Variants in KATNIP observed in about 807,000 individuals in gnomAD.
KATNIP encodes the protein katanin-interacting protein.
KATNIP carries 126 observed loss-of-function variants against 174.0 expected under a neutral mutation model. That is an observed-to-expected ratio of 0.72 (90% CI 0.63 to 0.84). The LOEUF is 0.84. Ranked by LOEUF, KATNIP falls within the 40% of genes least tolerant of loss-of-function variation. The probability of loss-of-function intolerance (pLI) is 0.00; values close to 1 mark genes in which losing one functional copy is unlikely to be tolerated. For missense variants in KATNIP, 1,958 were observed against 2,109.7 expected, an observed-to-expected ratio of 0.93 and a Z score of 1.41; for synonymous variants, 810 against 835.7, an observed-to-expected ratio of 0.97 and a Z score of 0.53.
At chr16:27,620,562 C>A (rs1383376128) in intron 3 of KATNIP, among the ~76,000 whole-genome samples, 3 of 152,050 alleles carry the variant, frequency 2.0e-5, no homozygotes, top group Non-Finnish European at 4.4e-5. Flanking sequence ...GAAAAAAAAA[C>A]CTGCCGGATT....
intron 1 of KATNIP, among the ~76,000 whole-genome samples, chr16:27,558,947 G>A (rs1027257485): frequency 2.0e-5 from 3 of 152,208 alleles, no homozygotes; most frequent in African/African-American, 7.2e-5. Flanking sequence ...TACTGCCAGT[G>A]TGTGGCCAGG....
At chr16:27,622,750 C>G (rs1279801477) in intron 3 of KATNIP, among the ~76,000 whole-genome samples, 1 of 152,174 alleles carries the variant, frequency 6.6e-6, no homozygotes, top group Non-Finnish European at 1.5e-5. Flanking sequence ...AGAGAACCAG[C>G]ATCACTGGGG....
At position 27,655,228 on chromosome 16, in the gene KATNIP, A is replaced by T. The variant is rs1036708013; in HGVS notation, c.540+6493A>T. Reference sequence around the variant, plus strand: ...TATATATATATATATATATATATATATTTTGTTTGTTTGTTTGTTTAAAGA... The same window carrying T: ...TATATATATATATATATATATATATTTTTTGTTTGTTTGTTTGTTTAAAGA... On this transcript the variant is annotated intron_variant, in intron 6 of 27. Transcript: ENST00000261588. Among the ~76,000 whole-genome samples, 210 of 63,444 alleles carry T rather than the reference A, an allele frequency of 3.3e-3. 3 individuals are homozygous for T. Among genetic ancestry groups the T allele is most frequent in the African/African-American group, 7.2e-3 (127 of 17,594 alleles). 41.6% of individuals were successfully genotyped at this position (63,444 alleles called of 152,430 possible).
intron 2 of KATNIP, among the ~76,000 whole-genome samples, chr16:27,596,564 T>G (rs1340575955): frequency 6.6e-6 from 1 of 152,052 alleles, no homozygotes; most frequent in East Asian, 1.9e-4. Context: ...TACACAGAGG[T>G]AGAGTGGGCT....
At chr16:27,763,438 C>T (rs2144067739) in intron 19 of KATNIP, among the ~76,000 whole-genome samples, 1 of 115,464 alleles carries the variant, frequency 8.7e-6, no homozygotes, top group African/African-American at 3.6e-5. Flanking sequence ...GAGATTGTGT[C>T]TCTAAAAAAA....
chr16:27,689,862 C>T (rs2078654158), intron 8 of KATNIP, among the ~76,000 whole-genome samples: 1 of 152,130 alleles, frequency 6.6e-6, no homozygotes. Flanking sequence ...TCCTGAGGAC[C>T]TTGGCTAGGA....
intron 15 of KATNIP, among the ~76,000 whole-genome samples, chr16:27,742,372 A>G (rs2081141917): frequency 6.6e-6 from 1 of 152,250 alleles, no homozygotes; most frequent in Admixed American, 6.5e-5. Context: ...TCCAAATAGC[A>G]ACACTGAGCC....
intron 13 of KATNIP, chr16:27,718,562 T>G (rs1376577268): frequency 6.6e-6 from 1 of 152,238 alleles, no homozygotes; most frequent in African/African-American, 2.4e-5. Flanking sequence ...CGCTTAGCCC[T>G]CCTGTTATTC....
chr16:27,650,463 T>G (rs1443695502), intron 6 of KATNIP, among the ~76,000 whole-genome samples: 2 of 151,992 alleles, frequency 1.3e-5, no homozygotes, highest in Non-Finnish European at 2.9e-5. Flanking sequence ...TATCCAGAGG[T>G]GGTAGGTCAA....
intron 1 of KATNIP, among the ~76,000 whole-genome samples, chr16:27,566,540 A>G (rs1395220403): frequency 2.0e-5 from 3 of 151,894 alleles, no homozygotes; most frequent in Admixed American, 6.6e-5. Flanking sequence ...CTGTCTAAAA[A>G]AAAAGGAAGT....
At chr16:27,608,994 A>C (rs139296835) in intron 2 of KATNIP, among the ~76,000 whole-genome samples, 1 of 152,136 alleles carries the variant, frequency 6.6e-6, no homozygotes, top group Non-Finnish European at 1.5e-5. Flanking sequence ...TGGCCCGTCC[A>C]TGAACATTTC....
chr16:27,690,363 T>TAGATAGATAGATAGATAGATAGATGATA lies in KATNIP; in HGVS notation c.941-7965_941-7964insAGATAGATAGATAGATAGATAGATGATA, dbSNP rs397837255. Among the ~76,000 whole-genome samples, 294 of 90,976 alleles carry TAGATAGATAGATAGATAGATAGATGATA rather than the reference T, an allele frequency of 3.2e-3. 1 individual carries two copies. The highest frequency in any genetic ancestry group is 3.9e-3 in the Admixed American group (36 of 9,132). 59.7% of individuals were successfully genotyped at this position (90,976 alleles called of 152,430 possible). ...ATAGATAGATAGATAGATAGATAGA[T>TAGATAGATAGATAGATAGATAGATGATA]GATAGATAGATAGATAGATAGATAG... On this transcript the variant is annotated intron_variant, in intron 8 of 27. Coordinates refer to ENST00000261588, the MANE Select transcript of KATNIP (RefSeq NM_015202.5).
chr16:27,641,497 G>T (rs928264363), intron 5 of KATNIP, among the ~76,000 whole-genome samples: 2 of 151,962 alleles, frequency 1.3e-5, no homozygotes, highest in African/African-American at 4.8e-5. Context: ...CCACCCCTTG[G>T]GAGGACTCAG....
At chr16:27,662,071 T>TATATATACAC (rs1403398316) in intron 6 of KATNIP, among the ~76,000 whole-genome samples, 1 of 57,188 alleles carries the variant, frequency 1.7e-5, no homozygotes, top group African/African-American at 8.6e-5. Flanking sequence ...TATATATATA[T>TATATATACAC]ACACACATAT....
rs2090917446 is a variant in KATNIP, at chr16:27,586,841, A to C, written c.63+12885A>C. On this transcript the variant is annotated intron_variant, in intron 2 of 27. Coordinates refer to ENST00000261588, the MANE Select transcript of KATNIP (RefSeq NM_015202.5). Reference sequence around the variant, plus strand: ...GAGACCCTGTCTCAAAAAAAAAAAAACAAAAAAACAAAAAACAGAAACTGA... The same window carrying C: ...GAGACCCTGTCTCAAAAAAAAAAAACCAAAAAAACAAAAAACAGAAACTGA... Among the ~76,000 whole-genome samples the C allele has an allele frequency of 2.6e-5, 4 of 151,488 alleles. No individual in the cohort carries two copies. The South Asian group carries it at 8.3e-4, about 31-fold the overall frequency.
At chr16:27,745,927 G>A (rs952291655) in intron 15 of KATNIP, among the ~76,000 whole-genome samples, 25 of 149,584 alleles carry the variant, frequency 1.7e-4, no homozygotes, top group African/African-American at 5.9e-4. Flanking sequence ...TCATGTCAAA[G>A]AGGTCTAAGA....
intron 8 of KATNIP, among the ~76,000 whole-genome samples, chr16:27,689,689 A>G (rs555340066): frequency 2.6e-5 from 4 of 152,208 alleles, no homozygotes; most frequent in Non-Finnish European, 5.9e-5. Context: ...GCTAACTATT[A>G]CTGCCTGACA....
chr16:27,761,138 G>A (rs1249274621), intron 18 of KATNIP, among the ~76,000 whole-genome samples: 1 of 152,180 alleles, frequency 6.6e-6, no homozygotes, highest in Non-Finnish European at 1.5e-5. Context: ...AGTGTCGGGT[G>A]GGACAGCACA....
At chr16:27,672,281 G>T (rs912822521) in intron 6 of KATNIP, among the ~76,000 whole-genome samples, 1 of 152,010 alleles carries the variant, frequency 6.6e-6, no homozygotes, top group Non-Finnish European at 1.5e-5. Flanking sequence ...CCCCAAGACA[G>T]CCTTGTGCCC....
Sources: gnomAD v4.1 joint callset for allele counts (sites outside exome capture counted in the v4.1 genomes callset) on GRCh38, gnomAD v4.1.1 for gene constraint, MANE v1.5 for transcripts, NCBI Gene and HGNC (gene_info 2026-07-23, HGNC 2026-07-21) for gene names.